GSTM4: variants seen among roughly 807,000 people sequenced by gnomAD.
The protein encoded by GSTM4 is GST class-mu 4.
GSTM4 carries 27 observed loss-of-function variants against 30.1 expected under a neutral mutation model. The observed-to-expected ratio is 0.90, with a 90% CI of 0.66 to 1.24. The LOEUF (loss-of-function observed/expected upper bound fraction) is 1.24. Among genes scored for constraint, GSTM4 ranks in the 50% most tolerant of loss-of-function variants. The pLI, the probability that GSTM4 is intolerant of heterozygous loss-of-function variation, is 0.00. For missense variants in GSTM4, 238 were observed against 272.1 expected, an observed-to-expected ratio of 0.87 and a Z score of 0.88; for synonymous variants, 94 against 96.2, an observed-to-expected ratio of 0.98 and a Z score of 0.13.
At chr1:109,665,212 A>T (rs138854924), downstream of GSTM4, 2 of 644,026 alleles carry the variant, frequency 3.1e-6, no homozygotes, top group African/African-American at 3.6e-5. Flanking sequence ...GAAGAAAAAG[A>T]CAGGAAGGGT....
Position 109,658,999 on chromosome 1 carries a change from G to T in GSTM4, c.457-1G>T. ...GCCCACACATTCTTGGCCTTCTGCA[G>T]ATCACCTTTGTAGATTTCCTCGCCT... On this transcript the variant is annotated splice_acceptor_variant, in intron 6 of 7. Coordinates refer to ENST00000369836, the MANE Select transcript of GSTM4 (RefSeq NM_000850.5). LOFTEE classifies it high-confidence loss of function. 1.2e-6 allele frequency: 2 copies of T among 1,614,194 alleles called. No individual in the cohort carries two copies.
Position 109,657,778 on chromosome 1 carries a change from A to C in GSTM4, c.266A>C (p.Glu89Ala), listed in dbSNP as rs745500600. 8.7e-6 allele frequency: 14 copies of C among 1,614,140 alleles called. No individual in the cohort carries two copies. The highest frequency in any genetic ancestry group is 1.1e-5 in the Non-Finnish European group (13 of 1,180,032). Residue 89 changes from glutamate to alanine, a missense_variant, in exon 5 of 8, where the codon GAG (glutamate) becomes GCG (alanine). Coordinates refer to ENST00000369836, the MANE Select transcript of GSTM4 (RefSeq NM_000850.5). ...TGTGTTTTGTGGGTGGCAGGTGGGG[A>C]GACAGAAGAGGAGAAGATTCGTGTG... ...YIARKHNLCG[E>A]TEEEKIRVDI...
At chr1:109,662,631 AT>A (rs749362810), downstream of GSTM4, among the ~76,000 whole-genome samples, 4 of 152,252 alleles carry the variant, frequency 2.6e-5, no homozygotes, top group Non-Finnish European at 4.4e-5. Context: ...GAATATCCAA[AT>A]TGCCAACAAG....
downstream of GSTM4, among the ~76,000 whole-genome samples, chr1:109,664,626 C>G (rs1407317710): frequency 6.6e-6 from 1 of 151,980 alleles, no homozygotes; most frequent in Non-Finnish European, 1.5e-5. Flanking sequence ...TCCCAAAGTG[C>G]TAGGATTACA....
chr1:109,659,763 C>A, intron 7 of GSTM4: 1 of 503,262 alleles, frequency 2.0e-6, no homozygotes, highest in East Asian at 5.9e-5. Context: ...CCTTCTTTAT[C>A]TTTTTTCCTC....
chr1:109,656,420 C>A lies in GSTM4; in HGVS notation c.31C>A (p.Arg11Ser), dbSNP rs1036317849. The part of the protein sequence containing the change: MSMTLGYWDI[R>S]GLAHAIRLLL... ...CATGACACTGGGGTACTGGGACATC[C>A]GCGGGGTGAGTGAGGGTCCGCTGCA... The change falls in exon 1 of 8, where the codon CGC becomes AGC. Residue 11 changes from arginine to serine, a missense_variant. Coordinates refer to ENST00000369836, the MANE Select transcript of GSTM4 (RefSeq NM_000850.5). 6.2e-7 allele frequency: 1 copy of A among 1,613,984 alleles called. No homozygotes were observed. The highest frequency in any genetic ancestry group is 1.7e-5 in the Admixed American group (1 of 60,014).
chr1:109,661,073 C>G (rs1652289088), intron 7 of GSTM4, 92 bp from the exon 8 acceptor site: 2 of 1,547,140 alleles, frequency 1.3e-6, no homozygotes, highest in African/African-American at 2.8e-5. Context: ...AGGCTGTGGC[C>G]AGGGCCCTGA....
At chr1:109,663,040 C>G (rs1652365550), downstream of GSTM4, among the ~76,000 whole-genome samples, 1 of 152,188 alleles carries the variant, frequency 6.6e-6, no homozygotes, top group South Asian at 2.1e-4. Context: ...TATATTTACT[C>G]TGCTATAATG....
rs1570614352 is a variant in GSTM4 at position 109,656,559 on chromosome 1, T to C, written c.36+134T>C. Reference sequence around the variant, plus strand: ...GAGGGCCTGTGCATGCCTGTGTGTGTGTGTGTGTGTGTGTGTGTGTGTGTG... The same window carrying C: ...GAGGGCCTGTGCATGCCTGTGTGTGCGTGTGTGTGTGTGTGTGTGTGTGTG... On this transcript the variant is annotated intron_variant, in intron 1 of 7. Coordinates refer to ENST00000369836, the MANE Select transcript of GSTM4 (RefSeq NM_000850.5). 5.8e-6 allele frequency: 3 copies of C among 514,122 alleles called. No homozygotes were observed. In the African/African-American group the frequency reaches 1.1e-4, roughly 18 times the overall value. 31.8% of individuals were successfully genotyped at this position (514,122 alleles called of 1,614,324 possible).
At position 109,657,040 on chromosome 1, in the gene GSTM4, G is replaced by C. The variant is rs552204092; in HGVS notation, c.113-175G>C. 8.0e-5 allele frequency: 64 copies of C among 804,158 alleles called. No individual in the cohort carries two copies. In the East Asian group the frequency reaches 1.7e-3, roughly 21 times the overall value. 49.8% of individuals were successfully genotyped at this position (804,158 alleles called of 1,614,324 possible). ...AACCCTGGAAGCCTTAGCCGTGTGG[G>C]GTCCAGAGCCCTCAGCGGGATTCTT... On this transcript the variant is annotated intron_variant, in intron 2 of 7. Coordinates refer to ENST00000369836, the MANE Select transcript of GSTM4 (RefSeq NM_000850.5).
At chr1:109,665,263 C>T (rs1403708383), downstream of GSTM4, 1 of 596,522 alleles carries the variant, frequency 1.7e-6, no homozygotes, top group African/African-American at 1.9e-5. Context: ...CTCTGCCTAT[C>T]CTGGGACCTC....
chr1:109,657,286 G>A lies in GSTM4; in HGVS notation c.177+7G>A, dbSNP rs1305228501. 4 of 1,612,228 alleles carry A rather than the reference G, an allele frequency of 2.5e-6. No homozygotes were observed. The highest frequency in any genetic ancestry group is 3.4e-6 in the Non-Finnish European group (4 of 1,179,724). On this transcript the variant is annotated splice_region_variant and intron_variant, in intron 3 of 7. Transcript: ENST00000369836. ...GGGCCTGGACTTTCCCAATGTAGGT[G>A]CAGGGGAAGGGGCGGTTTTGGGGGA...
intron 7 of GSTM4, 75 bp from the exon 8 acceptor site, chr1:109,661,090 G>T: frequency 6.3e-7 from 1 of 1,580,994 alleles, no homozygotes; most frequent in Non-Finnish European, 8.7e-7. Context: ...CTGACCTGCT[G>T]TGTCTGCAGT....
At chr1:109,663,189 G>A (rs112479902), downstream of GSTM4, among the ~76,000 whole-genome samples, 6,382 of 152,270 alleles carry the variant, frequency 0.042, 189 homozygotes, top group Non-Finnish European at 0.06. Flanking sequence ...TGAGTCCATG[G>A]TATCAGAGGT....
At chr1:109,665,194 C>T, downstream of GSTM4, 4 of 669,832 alleles carry the variant, frequency 6.0e-6, no homozygotes, top group Non-Finnish European at 1.1e-5. Flanking sequence ...ACTGTCAGGG[C>T]CCAGAGAGAA....
At chr1:109,656,599 G>GTGTGTGT (rs1652005248) in intron 1 of GSTM4, 113 bp from the exon 2 acceptor site, 1 of 669,232 alleles carries the variant, frequency 1.5e-6, no homozygotes, top group Non-Finnish European at 2.5e-6. Flanking sequence ...TGCGTGCGCC[G>GTGTGTGT]GGGTGGGGGG....
At chr1:109,658,952 A>G in intron 6 of GSTM4, 43 bp downstream of exon 6, 2 of 1,612,592 alleles carry the variant, frequency 1.2e-6, no homozygotes, top group Non-Finnish European at 1.7e-6. Context: ...TTTGCCATAC[A>G]TCCTACGTTA....
At chr1:109,667,710 A>G (rs1295937318), downstream of GSTM4, among the ~76,000 whole-genome samples, 1 of 152,244 alleles carries the variant, frequency 6.6e-6, no homozygotes, top group Non-Finnish European at 1.5e-5. Flanking sequence ...ATCCCTGAGC[A>G]CCAAATGTTC....
chr1:109,659,847 G>C, intron 7 of GSTM4: 2 of 610,882 alleles, frequency 3.3e-6, no homozygotes, highest in Non-Finnish European at 5.7e-6. Flanking sequence ...GCTATTCACC[G>C]ACCTTCTCCT....
Sources: gnomAD v4.1 joint callset for allele counts (sites outside exome capture counted in the v4.1 genomes callset) on GRCh38, gnomAD v4.1.1 for gene constraint, MANE v1.5 for transcripts, NCBI Gene and HGNC (gene_info 2026-07-23, HGNC 2026-07-21) for gene names.